TMCC3: variants seen among roughly 807,000 people sequenced by gnomAD.
TMCC3 encodes the protein transmembrane and coiled-coil domain family 3, also known as transmembrane and coiled-coil domain protein 3.
Under a neutral mutation model 40.2 loss-of-function variants are expected in TMCC3, and 28 were observed. The ratio of observed to expected loss-of-function variants is 0.70; its 90% CI spans 0.52 to 0.95. TMCC3 has a LOEUF of 0.95. TMCC3 is among the 40% of genes least tolerant of loss of function. The pLI is 0.00. For missense variants in TMCC3, 554 were observed against 615.2 expected (o/e 0.90, Z 1.05); for synonymous variants, 255 against 248.5 (o/e 1.03, Z -0.25).
At chr12:94,575,390 A>G (rs954425895) in intron 3 of TMCC3, among the ~76,000 whole-genome samples, 5 of 152,206 alleles carry the variant, frequency 3.3e-5, no homozygotes, top group African/African-American at 1.2e-4. Context: ...ATCTTCCTTG[A>G]CAACCTTTTG....
intron 1 of TMCC3, among the ~76,000 whole-genome samples, chr12:94,636,964 T>C (rs1359637486): frequency 1.3e-5 from 2 of 152,190 alleles, no homozygotes; most frequent in African/African-American, 2.4e-5. Flanking sequence ...TCCAGGCCTA[T>C]GGAAACTCTG....
intron 1 of TMCC3, among the ~76,000 whole-genome samples, chr12:94,584,006 T>A (rs1462295517): frequency 6.6e-6 from 1 of 152,154 alleles, no homozygotes; most frequent in African/African-American, 2.4e-5. Flanking sequence ...ATATTCAGCA[T>A]GTTACCTTTT....
chr12:94,587,573 T>G lies in TMCC3; in HGVS notation c.79-5035A>C, dbSNP rs79965402. Among the ~76,000 whole-genome samples the G allele has an allele frequency of 5.9e-3, 899 of 152,092 alleles. 21 individuals carry two copies. The East Asian group carries it at 0.065, about 11-fold the overall frequency. On this transcript the variant is annotated intron_variant, in intron 1 of 3. Coordinates refer to ENST00000261226, the MANE Select transcript of TMCC3 (RefSeq NM_020698.4). ...ATGGACATAATGATTCTTCAAAGAG[T>G]TGTGAGGAATAAATGAGAAAATGTA...
chr12:94,594,232 C>CACACACACACAGAGAG (rs1446763750), intron 1 of TMCC3, among the ~76,000 whole-genome samples: 27 of 147,870 alleles, frequency 1.8e-4, no homozygotes, highest in African/African-American at 6.6e-4. Flanking sequence ...CACACACACA[C>CACACACACACAGAGAG]AGAGTGAGAG....
intron 1 of TMCC3, among the ~76,000 whole-genome samples, chr12:94,583,513 A>AT (rs1447204336): frequency 6.6e-6 from 1 of 152,210 alleles, no homozygotes; most frequent in Non-Finnish European, 1.5e-5. Context: ...GTCTCAAAAA[A>AT]TAAATAAATA....
At chr12:94,583,592 G>A (rs1440681642) in intron 1 of TMCC3, among the ~76,000 whole-genome samples, 1 of 152,184 alleles carries the variant, frequency 6.6e-6, no homozygotes, top group Admixed American at 6.5e-5. Context: ...GAAAAGAACT[G>A]CAACGCAGCA....
chr12:94,597,124 C>T (rs12827549), intron 1 of TMCC3, among the ~76,000 whole-genome samples: 7,337 of 27,852 alleles, frequency 0.26, 650 homozygotes, highest in Non-Finnish European at 0.38. Context: ...TATTAAAATA[C>T]ATATATATAT....
At chr12:94,620,792 G>A (rs1378611366) in intron 1 of TMCC3, among the ~76,000 whole-genome samples, 1 of 152,132 alleles carries the variant, frequency 6.6e-6, no homozygotes, top group East Asian at 1.9e-4. Flanking sequence ...GCAGTTAATG[G>A]TTTAATCATT....
chr12:94,603,608 C>G (rs2068765612), intron 1 of TMCC3, among the ~76,000 whole-genome samples: 1 of 152,024 alleles, frequency 6.6e-6, no homozygotes, highest in Non-Finnish European at 1.5e-5. Flanking sequence ...GAGTGGTTAC[C>G]CTTTGCGGGG....
At chr12:94,605,873 T>C (rs1566325789) in intron 1 of TMCC3, among the ~76,000 whole-genome samples, 1 of 152,118 alleles carries the variant, frequency 6.6e-6, no homozygotes, top group Non-Finnish European at 1.5e-5. Context: ...CTCTAAGCCA[T>C]ACTTACGGAA....
At chr12:94,604,953 T>C (rs934775533) in intron 1 of TMCC3, among the ~76,000 whole-genome samples, 2 of 152,104 alleles carry the variant, frequency 1.3e-5, no homozygotes, top group African/African-American at 2.4e-5. Flanking sequence ...AAGGAGCACA[T>C]TGTATCTGCA....
chr12:94,567,461 A>G lies in TMCC3; in HGVS notation c.*3974T>C, dbSNP rs1332870075. The G allele has an allele frequency of 6.6e-6, 1 of 152,248 alleles. No homozygotes were observed. Among genetic ancestry groups the G allele is most frequent in the African/African-American group, 2.4e-5 (1 of 41,468 alleles). The allele number at this position is 152,248 out of a possible 1,614,324, so 9.4% of individuals were successfully genotyped here. On this transcript the variant is annotated 3_prime_UTR_variant, in exon 4 of 4. Coordinates refer to ENST00000261226, the MANE Select transcript of TMCC3 (RefSeq NM_020698.4). ...AATAAATTAAAATTGCAACACATAA[A>G]TCATTCCTAAAACAATCAAGGTGCA... is the stretch of plus-strand genomic sequence containing the variant.
intron 1 of TMCC3, among the ~76,000 whole-genome samples, chr12:94,630,726 G>C (rs1245331532): frequency 1.3e-5 from 2 of 152,070 alleles, no homozygotes. Context: ...TTGTGTTTTT[G>C]TTTTGTTTTG....
chr12:94,625,559 A>T (rs1270247363), intron 1 of TMCC3, among the ~76,000 whole-genome samples: 1 of 147,158 alleles, frequency 6.8e-6, no homozygotes, highest in Admixed American at 7.1e-5. Flanking sequence ...GTGCCACTGC[A>T]CTCCAGTCTG....
intron 1 of TMCC3, among the ~76,000 whole-genome samples, chr12:94,628,463 T>G (rs141007886): frequency 6.6e-6 from 1 of 152,324 alleles, no homozygotes; most frequent in Non-Finnish European, 1.5e-5. Context: ...GAGCTACCAA[T>G]GACAGGCACA....
intron 1 of TMCC3, among the ~76,000 whole-genome samples, chr12:94,647,948 A>C (rs2069029259): frequency 6.6e-6 from 1 of 152,212 alleles, no homozygotes; most frequent in African/African-American, 2.4e-5. Context: ...CTCAACAATA[A>C]AAAACCTAAA....
intron 1 of TMCC3, among the ~76,000 whole-genome samples, chr12:94,624,961 T>C (rs2068895664): frequency 6.6e-6 from 1 of 151,558 alleles, no homozygotes; most frequent in Non-Finnish European, 1.5e-5. Flanking sequence ...GTCAACATGG[T>C]GAAACCTTGT....
chr12:94,605,103 G>A (rs1246106964), intron 1 of TMCC3, among the ~76,000 whole-genome samples: 1 of 152,144 alleles, frequency 6.6e-6, no homozygotes, highest in East Asian at 1.9e-4. Context: ...ATTCCTAAAG[G>A]GAGGCGGCAC....
At chr12:94,586,822 C>T (rs1367212404) in intron 1 of TMCC3, among the ~76,000 whole-genome samples, 1 of 152,218 alleles carries the variant, frequency 6.6e-6, no homozygotes, top group Non-Finnish European at 1.5e-5. Context: ...TTTAACAATG[C>T]TTTGCATGTT....
Sources: gnomAD v4.1 joint callset for allele counts (sites outside exome capture counted in the v4.1 genomes callset) on GRCh38, gnomAD v4.1.1 for gene constraint, MANE v1.5 for transcripts, NCBI Gene and HGNC (gene_info 2026-07-23, HGNC 2026-07-21) for gene names.